The following MAX variants were observed in gnomAD, a reference collection of about 807,000 sequenced individuals.
MAX encodes the protein MYC associated transcriptional regulator X.
MAX carries 3 observed loss-of-function variants against 22.3 expected under a neutral mutation model. That is an observed-to-expected ratio of 0.13 (90% CI 0.06 to 0.35). The LOEUF (loss-of-function observed/expected upper bound fraction) is 0.35, where lower values mean the gene tolerates loss of function less well. Ranked by LOEUF, MAX falls within the 10% of genes least tolerant of loss-of-function variation. The probability of loss-of-function intolerance (pLI) is 1.00; values close to 1 mark genes in which losing one functional copy is unlikely to be tolerated. For synonymous variants in MAX, 72 were observed against 77.7 expected (o/e 0.93, Z 0.39); for missense variants, 119 against 209.4 (o/e 0.57, Z 2.66).
downstream of MAX, among the ~76,000 whole-genome samples, chr14:65,072,012 G>A (rs2062992582): frequency 6.6e-6 from 1 of 152,190 alleles, no homozygotes; most frequent in Non-Finnish European, 1.5e-5. Flanking sequence ...AGACACTGAA[G>A]GAAATTCTCT....
In MAX at chr14:65,076,322, G is replaced by A; in HGVS notation, c.*154C>T. ...AAGGAGAACGAGAGCTGTTGTCCAA[G>A]AGCTTCTACGTAAAAATAAAAATTT... is the stretch of plus-strand genomic sequence containing the variant. On this transcript the variant is annotated 3_prime_UTR_variant, in exon 5 of 5. Coordinates refer to ENST00000358664, the MANE Select transcript of MAX (RefSeq NM_002382.5). The surrounding 1 kb of genome is among the most constrained non-coding windows in gnomAD (Gnocchi z 6.6). The A allele has an allele frequency of 6.7e-7, 1 of 1,495,476 alleles. No individual in the cohort carries two copies. Among genetic ancestry groups the A allele is most frequent in the South Asian group, 1.3e-5 (1 of 76,720 alleles). 92.6% of individuals were successfully genotyped at this position (1,495,476 alleles called of 1,614,324 possible).
At chr14:65,040,787 T>C in intron 3 of MAX, 1 of 1,612,532 alleles carries the variant, frequency 6.2e-7, no homozygotes. Flanking sequence ...AATCTCTTCT[T>C]AGGTGTCAGA....
Position 65,078,111 on chromosome 14 carries a change from G to C in MAX, c.172-75C>G. On this transcript the variant is annotated intron_variant, in intron 3 of 4. Transcript: ENST00000358664. This position sits in a 1 kb window ranked among gnomAD's most constrained non-coding sequence, Gnocchi z 6.4. ...AGGCAGTGAGGGAACCTGGCCTGCA[G>C]CAACTGCTTGGGTGGCTGGAAACGA... 6.4e-7 allele frequency: 1 copy of C among 1,571,110 alleles called. No individual in the cohort carries two copies. The highest frequency in any genetic ancestry group is 1.7e-5 in the Admixed American group (1 of 58,818).
At chr14:65,056,060 GTGCTAT>G in intron 3 of MAX, among the ~76,000 whole-genome samples, 1 of 151,990 alleles carries the variant, frequency 6.6e-6, no homozygotes, top group South Asian at 2.1e-4. Context: ...GGATGTTTTT[GTGCTAT>G]TGCTACATAC....
intron 3 of MAX, among the ~76,000 whole-genome samples, chr14:65,091,019 T>G (rs1342860623): frequency 6.6e-6 from 1 of 152,194 alleles, no homozygotes; most frequent in African/African-American, 2.4e-5. Flanking sequence ...AGAAGTCAGC[T>G]GAAACATAAA....
intron 3 of MAX, among the ~76,000 whole-genome samples, chr14:65,006,882 G>A (rs543031020): frequency 6.6e-6 from 1 of 152,240 alleles, no homozygotes; most frequent in African/African-American, 2.4e-5. Context: ...TGAGAGTGGT[G>A]GTAGATGATA....
At chr14:65,042,780 G>A (rs1356264714) in intron 3 of MAX, among the ~76,000 whole-genome samples, 3 of 152,184 alleles carry the variant, frequency 2.0e-5, no homozygotes, top group South Asian at 4.1e-4. Context: ...TAAGCCCTGC[G>A]GTAAGTAGAA....
At chr14:65,018,474 A>C (rs1218940517) in intron 3 of MAX, among the ~76,000 whole-genome samples, 1 of 152,214 alleles carries the variant, frequency 6.6e-6, no homozygotes, top group Non-Finnish European at 1.5e-5. Context: ...AGAAAGATAC[A>C]TGTAGTAGTT....
chr14:65,025,580 C>T (rs997598307), intron 3 of MAX, among the ~76,000 whole-genome samples: 14 of 152,034 alleles, frequency 9.2e-5, no homozygotes, highest in Admixed American at 3.3e-4. Flanking sequence ...TTTGGGAGTC[C>T]GAGGTGGGAG....
chr14:65,059,837 CTTTTTTT>C (rs34459085), intron 3 of MAX, among the ~76,000 whole-genome samples: 1 of 134,242 alleles, frequency 7.4e-6, no homozygotes, highest in Admixed American at 7.5e-5. Flanking sequence ...GTCCTTTTTT[CTTTTTTT>C]TTTTTTTTTG....
intron 3 of MAX, chr14:65,061,440 A>T (rs2062863848): frequency 7.1e-7 from 1 of 1,417,424 alleles, no homozygotes; most frequent in African/African-American, 1.4e-5. Context: ...TTCTCTTGGT[A>T]CTTTCTTGTC....
In MAX at chr14:65,062,514, T is replaced by A. The variant is rs1391718790; in HGVS notation, c.171+31194A>T. ...GGCCTTCATGTAAGCAGCTGTGGGCTGCGGGCAGACAGGAGCTCAGAGATG... is the reference window on the plus strand; with the variant it reads ...GGCCTTCATGTAAGCAGCTGTGGGCAGCGGGCAGACAGGAGCTCAGAGATG... On this transcript the variant is annotated intron_variant, in intron 3 of 3. Transcript: ENST00000341653. The surrounding 1 kb of genome is among the most constrained non-coding windows in gnomAD (Gnocchi z 4.3). 2 of 152,694 alleles carry A rather than the reference T, an allele frequency of 1.3e-5. No homozygotes were observed. Among genetic ancestry groups the A allele is most frequent in the Non-Finnish European group, 2.9e-5 (2 of 68,060 alleles). The allele number at this position is 152,694 out of a possible 1,614,324, so 9.5% of individuals were successfully genotyped here.
At chr14:65,034,103 G>T (rs1050473880) in intron 3 of MAX, among the ~76,000 whole-genome samples, 1 of 152,084 alleles carries the variant, frequency 6.6e-6, no homozygotes, top group Admixed American at 6.6e-5. Context: ...CAAATTGTCT[G>T]TCAGAGCTAT....
rs574275406 is a variant in MAX, at chr14:65,030,717, G to T, written c.172-24433C>A. On this transcript the variant is annotated intron_variant, in intron 3 of 3. Transcript: ENST00000341653. The surrounding 1 kb of genome is among the most constrained non-coding windows in gnomAD (Gnocchi z 4.5). ...ATAGCGCCACTGCACTGCAGCCTGG[G>T]CAACAAAGTGAGATCCTATCTTAAA... Among the ~76,000 whole-genome samples the T allele has an allele frequency of 1.2e-3, 183 of 152,092 alleles. 1 individual carries two copies. The highest frequency in any genetic ancestry group is 1.7e-3 in the Admixed American group (26 of 15,268).
At position 65,077,939 on chromosome 14, in the gene MAX, C is replaced by T. The variant is rs876659562; in HGVS notation, c.269G>A (p.Arg90Gln). ...TTGCTGCTCCAGAAGAGCATTCTGC[C>T]GCTTGAGGTCGTCAATATCTTGCTG... ...THQQDIDDLK[R>Q]QNALLEQQVR... Residue 90 changes from arginine to glutamine, a missense_variant, in exon 4 of 5, where the codon CGG (arginine) becomes CAG (glutamine). Physicochemically the swap from Arg to Gln is conservative, Grantham distance 43. Around this residue, in one of 3 missense-constraint regions of MAX, gnomAD observed 95 missense variants for 148.1 expected, o/e 0.64. Coordinates refer to ENST00000358664, the MANE Select transcript of MAX (RefSeq NM_002382.5). This position sits in a 1 kb window ranked among gnomAD's most constrained non-coding sequence, Gnocchi z 6.3. 1.9e-6 allele frequency: 3 copies of T among 1,614,206 alleles called. No individual in the cohort carries two copies. Among genetic ancestry groups the T allele is most frequent in the Admixed American group, 1.7e-5 (1 of 60,028 alleles).
intron 3 of MAX, among the ~76,000 whole-genome samples, chr14:65,080,823 A>C (rs1057314591): frequency 2.0e-5 from 3 of 152,398 alleles, no homozygotes; most frequent in Admixed American, 6.5e-5. Flanking sequence ...GAGCACTTGC[A>C]AATGTTCAGT....
In MAX at chr14:65,014,130, C is replaced by T. The variant is rs893844093; in HGVS notation, c.172-7846G>A. 4.6e-5 allele frequency among the ~76,000 whole-genome samples: 7 copies of T among 152,310 alleles called. No individual in the cohort carries two copies. Among genetic ancestry groups the T allele is most frequent in the Admixed American group, 1.3e-4 (2 of 15,300 alleles). On this transcript the variant is annotated intron_variant, in intron 3 of 3. Coordinates refer to the MAX transcript ENST00000341653. The surrounding 1 kb of genome is among the most constrained non-coding windows in gnomAD (Gnocchi z 5.1). ...AGAACACTGGATTGACTCTAAAAAC[C>T]TAGGTTCTTGTCTCACCTCTGACAT...
chr14:65,048,967 A>T (rs2062548191), intron 3 of MAX, among the ~76,000 whole-genome samples: 1 of 152,078 alleles, frequency 6.6e-6, no homozygotes, highest in Admixed American at 6.6e-5. Flanking sequence ...TCTACTAAAG[A>T]TACAAAAAAT....
intron 3 of MAX, among the ~76,000 whole-genome samples, chr14:65,092,926 G>A (rs929251837): frequency 6.6e-6 from 1 of 152,236 alleles, no homozygotes. Flanking sequence ...CAGCTTGCCA[G>A]TTATTCCAAT....
Sources: gnomAD v4.1 joint callset for allele counts (sites outside exome capture counted in the v4.1 genomes callset) on GRCh38, gnomAD v4.1.1 for gene constraint, gnomAD v4.1.1 regional missense constraint, Gnocchi (gnomAD v3.1) non-coding constraint, MANE v1.5 for transcripts, NCBI Gene and HGNC (gene_info 2026-07-23, HGNC 2026-07-21) for gene names.